The following AAK1 variants were observed in gnomAD, a reference collection of about 807,000 sequenced individuals.
AAK1 encodes AP2-associated protein kinase 1.
Under a neutral mutation model 116.0 loss-of-function variants are expected in AAK1, and 37 were observed. The observed-to-expected ratio is 0.32, with a 90% confidence interval of 0.25 to 0.42. AAK1 has a LOEUF of 0.42. Among genes scored for constraint, AAK1 ranks in the 10% least tolerant of loss-of-function variants. AAK1 has a pLI of 1.00. For missense variants in AAK1, 919 were observed against 1,170.6 expected (o/e 0.79, Z 3.14); for synonymous variants, 458 against 439.9 (o/e 1.04, Z -0.51).
chr2:69,581,811 T>C (rs1672559386), intron 2 of AAK1, among the ~76,000 whole-genome samples: 1 of 152,078 alleles, frequency 6.6e-6, no homozygotes, highest in Non-Finnish European at 1.5e-5. Context: ...ACCCAGTCTC[T>C]ACAAAATAAT....
chr2:69,473,296 C>A lies in AAK1; in HGVS notation c.*2573G>T. ...AGAGGATGGTGGACTAGAGGATGGT[C>A]TCAAAGGTCCCTTTGTAGCTCAGGC... On this transcript the variant is annotated 3_prime_UTR_variant, in exon 22 of 22. Transcript: ENST00000409085. 1 of 983,916 alleles carries A rather than the reference C, an allele frequency of 1.0e-6. No homozygotes were observed. The highest frequency in any genetic ancestry group is 1.2e-6 in the Non-Finnish European group (1 of 828,502). 60.9% of individuals were successfully genotyped at this position (983,916 alleles called of 1,614,324 possible).
chr2:69,549,992 A>G lies in AAK1; in HGVS notation c.283-5448T>C, dbSNP rs1161012171. On this transcript the variant is annotated intron_variant, in intron 3 of 21. Coordinates refer to ENST00000409085, the MANE Select transcript of AAK1 (RefSeq NM_014911.5). ...GTTAAATGTAAAATAACATAAAATT[A>G]ATGGTAAGCCACAATGCTTTCTTTT... Among the ~76,000 whole-genome samples, 3 of 152,234 alleles carry G rather than the reference A, an allele frequency of 2.0e-5. No homozygotes were observed. The East Asian group carries it at 5.8e-4, about 29-fold the overall frequency.
chr2:69,575,757 C>T (rs1037956032), intron 2 of AAK1, among the ~76,000 whole-genome samples: 4 of 152,074 alleles, frequency 2.6e-5, no homozygotes, highest in African/African-American at 4.8e-5. Context: ...CGTGAGACAC[C>T]GTGCCCGGCC....
chr2:69,563,053 G>A (rs1671713329), intron 2 of AAK1, among the ~76,000 whole-genome samples: 3 of 152,164 alleles, frequency 2.0e-5, no homozygotes, highest in African/African-American at 7.2e-5. Flanking sequence ...AACAGAGCGA[G>A]ACCCTCCCTG....
chr2:69,628,933 A>G (rs971293538), intron 2 of AAK1, among the ~76,000 whole-genome samples: 5 of 152,354 alleles, frequency 3.3e-5, no homozygotes, highest in Admixed American at 1.3e-4. Flanking sequence ...AGGTACATAC[A>G]GTACTCAACT....
Position 69,466,016 on chromosome 2 carries a change from T to C in AAK1, c.*9853A>G, listed in dbSNP as rs1227787076. 10 of 1,290,964 alleles carry C rather than the reference T, an allele frequency of 7.7e-6. No individual in the cohort carries two copies. In the South Asian group the frequency reaches 9.9e-5, roughly 13 times the overall value. 80.0% of individuals were successfully genotyped at this position (1,290,964 alleles called of 1,614,324 possible). A position where few individuals can be genotyped will look rare whatever the true frequency, so the allele number is the denominator to read the frequency against. On this transcript the variant is annotated 3_prime_UTR_variant, in exon 22 of 22. Transcript: ENST00000409085. Reference sequence around the variant, plus strand: ...CTCTCAAAAACACGTCTGACTCCTCTGGCTGGGAAGGAGCCATACTGCTCT... The same window carrying C: ...CTCTCAAAAACACGTCTGACTCCTCCGGCTGGGAAGGAGCCATACTGCTCT...
chr2:69,565,272 AACAGCTGG>A (rs1353224142), intron 2 of AAK1, among the ~76,000 whole-genome samples: 2 of 152,244 alleles, frequency 1.3e-5, no homozygotes, highest in Admixed American at 1.3e-4. Flanking sequence ...GACTGCTAAA[AACAGCTGG>A]ATCTTTAGGT....
intron 2 of AAK1, chr2:69,598,159 C>T: frequency 8.9e-7 from 1 of 1,120,620 alleles, no homozygotes. Flanking sequence ...AGTTTTGCCC[C>T]AATGCCAAGT....
chr2:69,518,956 G>T lies in AAK1; in HGVS notation c.1495C>A (p.Gln499Lys). The T allele has an allele frequency of 6.5e-7, 1 of 1,542,974 alleles. No individual in the cohort carries two copies. Among genetic ancestry groups the T allele is most frequent in the Non-Finnish European group, 8.8e-7 (1 of 1,142,828 alleles). ...FYQQQQAQTQ[Q>K]FQAVHPATQK... is the part of the protein sequence containing the mutation. ...GGGCCACACTCTGACCACCTTACCT[G>T]CTGAGTCTGGGCCTGCTGCTGCTGG... is the stretch of plus-strand genomic sequence containing the variant. The change falls in exon 12 of 22, where the codon CAG (glutamine) becomes AAG (lysine). Residue 499 changes from glutamine to lysine, a missense_variant and splice_region_variant. Transcript: ENST00000409085.
intron 3 of AAK1, among the ~76,000 whole-genome samples, chr2:69,550,074 T>C (rs931889877): frequency 1.6e-4 from 25 of 152,344 alleles, no homozygotes; most frequent in Admixed American, 9.8e-4. Context: ...TTATAACCAG[T>C]AGCAATCCAG....
chr2:69,471,322 G>C lies in AAK1; in HGVS notation c.*4547C>G. 1.0e-6 allele frequency: 1 copy of C among 985,390 alleles called. No individual in the cohort carries two copies. Among genetic ancestry groups the C allele is most frequent in the Non-Finnish European group, 1.2e-6 (1 of 829,922 alleles). 61.0% of individuals were successfully genotyped at this position (985,390 alleles called of 1,614,324 possible). A position where few individuals can be genotyped will look rare whatever the true frequency, so the allele number is the denominator to read the frequency against. ...AAGGAAATCTGGGAGAAGCAAAAGA[G>C]GTTTCTTGTTATAGATTTCCTAGCA... On this transcript the variant is annotated 3_prime_UTR_variant, in exon 22 of 22. Transcript: ENST00000409085.
At chr2:69,597,308 C>T (rs932389098) in intron 2 of AAK1, 2 of 152,490 alleles carry the variant, frequency 1.3e-5, no homozygotes, top group African/African-American at 4.8e-5. Flanking sequence ...ACCTGCAGCT[C>T]GCATGCTTCT....
At chr2:69,611,144 T>C (rs1377564329) in intron 2 of AAK1, among the ~76,000 whole-genome samples, 1 of 152,054 alleles carries the variant, frequency 6.6e-6, no homozygotes, top group African/African-American at 2.4e-5. Context: ...GACATTTGAG[T>C]TGGTGGACTA....
chr2:69,533,553 T>C (rs767575376), intron 5 of AAK1, among the ~76,000 whole-genome samples: 6 of 152,260 alleles, frequency 3.9e-5, no homozygotes, highest in Admixed American at 3.9e-4. Flanking sequence ...TGCCAACTGA[T>C]TCTGCAGTTT....
chr2:69,567,693 A>G (rs1381214476), intron 2 of AAK1, among the ~76,000 whole-genome samples: 3 of 152,192 alleles, frequency 2.0e-5, no homozygotes, highest in Admixed American at 6.5e-5. Flanking sequence ...GTGAAAAGGT[A>G]GAAAAACCCT....
intron 3 of AAK1, among the ~76,000 whole-genome samples, chr2:69,550,449 C>T (rs528397351): frequency 5.1e-4 from 77 of 151,546 alleles, no homozygotes; most frequent in African/African-American, 1.8e-3. Flanking sequence ...GGATTACAGG[C>T]GTGCACCACC....
chr2:69,461,439 G>A lies in AAK1; in HGVS notation c.*14430C>T, dbSNP rs1325227196. The stretch of plus-strand genomic sequence containing the variant: ...GACCCTACTGTAATACAAGTCGGCA[G>A]AATCTAACTGTTACTAATAATTAAT... On this transcript the variant is annotated 3_prime_UTR_variant, in exon 22 of 22. Coordinates refer to ENST00000409085, the MANE Select transcript of AAK1 (RefSeq NM_014911.5). 1 of 232,850 alleles carries A rather than the reference G, an allele frequency of 4.3e-6. No homozygotes were observed. The highest frequency in any genetic ancestry group is 2.5e-5 in the African/African-American group (1 of 39,712). 14.4% of individuals were successfully genotyped at this position (232,850 alleles called of 1,614,324 possible).
rs1246895267 is a variant in AAK1, at chr2:69,461,722, A to G, written c.*14147T>C. The G allele has an allele frequency of 7.6e-6, 3 of 393,156 alleles. No individual in the cohort carries two copies. The highest frequency in any genetic ancestry group is 3.6e-5 in the South Asian group (2 of 56,262). The allele number at this position is 393,156 out of a possible 1,614,324, so 24.4% of individuals were successfully genotyped here. A position where few individuals can be genotyped will look rare whatever the true frequency, so the allele number is the denominator to read the frequency against. On this transcript the variant is annotated 3_prime_UTR_variant, in exon 22 of 22. Coordinates refer to ENST00000409085, the MANE Select transcript of AAK1 (RefSeq NM_014911.5). ...CAATTCTGCCTCAGCCTCCCTAGTA[A>G]CTGGGACTACAGGTGCGTGCCATCA...
At chr2:69,503,741 A>T (rs1676065320) in intron 16 of AAK1, among the ~76,000 whole-genome samples, 2 of 152,172 alleles carry the variant, frequency 1.3e-5, no homozygotes, top group Non-Finnish European at 2.9e-5. Flanking sequence ...GGCTGGTCTC[A>T]AACTCTTGAC....
Sources: allele counts gnomAD v4.1 joint callset (sites outside exome capture counted in the v4.1 genomes callset), GRCh38; gene constraint gnomAD v4.1.1; transcripts MANE v1.5; gene names NCBI Gene and HGNC (gene_info 2026-07-23, HGNC 2026-07-21).